Variants in PHACTR1 observed in about 807,000 individuals in gnomAD.
PHACTR1 encodes the protein phosphatase and actin regulator 1.
In PHACTR1, 16 loss-of-function variants were observed where a neutral mutation model predicts 69.2. That is an observed-to-expected ratio of 0.23 (90% CI 0.16 to 0.35). The LOEUF (loss-of-function observed/expected upper bound fraction) is 0.35. PHACTR1 is among the 10% of genes least tolerant of loss of function. The pLI is 1.00. For missense variants in PHACTR1, 510 were observed against 734.7 expected (o/e 0.69, Z 3.54); for synonymous variants, 312 against 284.5 (o/e 1.10, Z -0.97).
chr6:12,908,951 G>C (rs1177886786), intron 4 of PHACTR1, among the ~76,000 whole-genome samples: 1 of 152,174 alleles, frequency 6.6e-6, no homozygotes, highest in Non-Finnish European at 1.5e-5. Flanking sequence ...TTAGCAAAAT[G>C]CATCAGGTGG....
chr6:13,140,546 A>G (rs908806551), intron 5 of PHACTR1, among the ~76,000 whole-genome samples: 2 of 152,246 alleles, frequency 1.3e-5, no homozygotes, highest in Non-Finnish European at 2.9e-5. Flanking sequence ...AAAAAGACAA[A>G]TACTGTATGA....
chr6:13,084,750 T>A (rs1168372175), intron 5 of PHACTR1, among the ~76,000 whole-genome samples: 4 of 152,064 alleles, frequency 2.6e-5, no homozygotes, highest in Non-Finnish European at 4.4e-5. Flanking sequence ...GCGTGAATAA[T>A]GACATTCTAA....
At chr6:12,761,089 T>C (rs1421722192) in intron 4 of PHACTR1, among the ~76,000 whole-genome samples, 1 of 152,216 alleles carries the variant, frequency 6.6e-6, no homozygotes, top group Non-Finnish European at 1.5e-5. Flanking sequence ...ATCATCTCTC[T>C]GAACCTCTGA....
intron 7 of PHACTR1, among the ~76,000 whole-genome samples, chr6:13,191,910 T>C (rs574462014): frequency 1.3e-5 from 2 of 152,378 alleles, no homozygotes; most frequent in East Asian, 3.9e-4. Context: ...TGCAGAAGTT[T>C]TTTTTCTGCA....
intron 4 of PHACTR1, among the ~76,000 whole-genome samples, chr6:13,017,185 CAAAAAA>C (rs5874397): frequency 1.3e-5 from 1 of 77,228 alleles, no homozygotes; most frequent in Non-Finnish European, 2.3e-5. Flanking sequence ...GACTCTGTCT[CAAAAAA>C]AAAAAAAAAA....
chr6:12,922,541 A>G (rs954897053), intron 4 of PHACTR1, among the ~76,000 whole-genome samples: 1 of 152,226 alleles, frequency 6.6e-6, no homozygotes, highest in South Asian at 2.1e-4. Context: ...TGGAACAGCT[A>G]GATCGTGTTT....
chr6:12,995,907 C>A (rs1797365612), intron 4 of PHACTR1, among the ~76,000 whole-genome samples: 1 of 151,712 alleles, frequency 6.6e-6, no homozygotes, highest in Admixed American at 6.6e-5. Flanking sequence ...CTCTAAAATG[C>A]AATAAAGCTA....
chr6:12,973,002 T>C (rs1794420430), intron 4 of PHACTR1, among the ~76,000 whole-genome samples: 1 of 152,150 alleles, frequency 6.6e-6, no homozygotes, highest in Admixed American at 6.5e-5. Flanking sequence ...CTCTCTGACT[T>C]TGGGCCTCTT....
intron 4 of PHACTR1, among the ~76,000 whole-genome samples, chr6:12,857,355 T>C (rs1780492965): frequency 6.6e-6 from 1 of 152,152 alleles, no homozygotes; most frequent in Non-Finnish European, 1.5e-5. Flanking sequence ...TTCATGCCTG[T>C]AGTCCCGGCA....
At chr6:12,858,161 G>A (rs1780590973) in intron 4 of PHACTR1, among the ~76,000 whole-genome samples, 2 of 152,152 alleles carry the variant, frequency 1.3e-5, no homozygotes, top group Admixed American at 1.3e-4. Flanking sequence ...AGGCTGGGAA[G>A]GCCTTTAAGG....
intron 7 of PHACTR1, among the ~76,000 whole-genome samples, chr6:13,198,581 C>T (rs2113830080): frequency 6.6e-6 from 1 of 150,670 alleles, no homozygotes; most frequent in South Asian, 2.1e-4. Flanking sequence ...TTGTCTTGGG[C>T]TACACATAAA....
At position 12,981,832 on chromosome 6, in the gene PHACTR1, A is replaced by G. The variant is rs1359256085; in HGVS notation, c.251-71533A>G. Among the ~76,000 whole-genome samples, 7 of 152,168 alleles carry G rather than the reference A, an allele frequency of 4.6e-5. 1 individual carries two copies. Among genetic ancestry groups the G allele is most frequent in the Admixed American group, 4.6e-4 (7 of 15,278 alleles). On this transcript the variant is annotated intron_variant, in intron 4 of 14. Coordinates refer to ENST00000332995, the MANE Select transcript of PHACTR1 (RefSeq NM_030948.6). ...CGCATCTTGGCATATATATTTTTATATGTATTTTCAATATTTTCTGCTTTA... is the reference window on the plus strand; with the variant it reads ...CGCATCTTGGCATATATATTTTTATGTGTATTTTCAATATTTTCTGCTTTA...
intron 4 of PHACTR1, among the ~76,000 whole-genome samples, chr6:12,928,816 A>C (rs1788563181): frequency 6.6e-6 from 1 of 152,218 alleles, no homozygotes; most frequent in Non-Finnish European, 1.5e-5. Context: ...TAACAAAGAC[A>C]GGCAAAGGTG....
At chr6:12,783,030 G>A (rs549015304) in intron 4 of PHACTR1, among the ~76,000 whole-genome samples, 1 of 152,156 alleles carries the variant, frequency 6.6e-6, no homozygotes. Flanking sequence ...TAGTTTAATC[G>A]TGATTTAAGC....
intron 5 of PHACTR1, among the ~76,000 whole-genome samples, chr6:13,119,036 A>G (rs1818251549): frequency 6.6e-6 from 1 of 152,192 alleles, no homozygotes; most frequent in Non-Finnish European, 1.5e-5. Flanking sequence ...ATCTCGCCTT[A>G]TTAGAGGGCT....
chr6:12,884,099 T>C (rs1379550985), intron 4 of PHACTR1, among the ~76,000 whole-genome samples: 2 of 151,086 alleles, frequency 1.3e-5, no homozygotes, highest in Non-Finnish European at 3.0e-5. Context: ...TATACACACA[T>C]AACCACACAC....
chr6:13,141,741 T>TG lies in PHACTR1; in HGVS notation c.416-18463_416-18462insG, dbSNP rs1206228808. ...TCTTCTTTCTTTTTTTTTTTTTTTT[T>TG]TTGTTGTGCTTGTTTTTCAGCTTTT... is the stretch of plus-strand genomic sequence containing the variant. On this transcript the variant is annotated intron_variant, in intron 5 of 14. Transcript: ENST00000332995. 1.2e-3 allele frequency among the ~76,000 whole-genome samples: 180 copies of TG among 151,146 alleles called. No individual in the cohort carries two copies. In the Middle Eastern group the frequency reaches 0.017, roughly 14 times the overall value.
intron 5 of PHACTR1, among the ~76,000 whole-genome samples, chr6:13,132,729 TA>T (rs77142357): frequency 0.04 from 1,549 of 38,434 alleles, 29 homozygotes; most frequent in African/African-American, 0.07. Context: ...ACCGTATTGC[TA>T]AAAAAAAAAA....
At chr6:13,184,870 C>T in intron 7 of PHACTR1, 1 of 1,366,608 alleles carries the variant, frequency 7.3e-7, no homozygotes, top group Non-Finnish European at 9.8e-7. Context: ...CAAACCAGTC[C>T]TGCTACTGCC....
Sources: gnomAD v4.1 joint callset for allele counts (sites outside exome capture counted in the v4.1 genomes callset) on GRCh38, gnomAD v4.1.1 for gene constraint, MANE v1.5 for transcripts, NCBI Gene and HGNC (gene_info 2026-07-23, HGNC 2026-07-21) for gene names.